The following WWC2 variants were observed in gnomAD, a reference collection of about 807,000 sequenced individuals.
The protein encoded by WWC2 is protein WWC2.
A neutral mutation model predicts 138.5 loss-of-function variants in WWC2; 101 were observed. That is an observed-to-expected ratio of 0.73 (90% CI 0.62 to 0.86). WWC2 has a LOEUF of 0.86. Ranked by LOEUF, WWC2 falls within the 40% of genes least tolerant of loss-of-function variation. The pLI is 0.00. For missense variants in WWC2, 1,420 were observed against 1,419.4 expected, an observed-to-expected ratio of 1.00 and a Z score of -0.01; for synonymous variants, 558 against 538.4, an observed-to-expected ratio of 1.04 and a Z score of -0.50.
At chr4:183,114,693 T>C (rs995426626) in intron 1 of WWC2, among the ~76,000 whole-genome samples, 2 of 152,010 alleles carry the variant, frequency 1.3e-5, no homozygotes, top group Non-Finnish European at 2.9e-5. Flanking sequence ...CCAACGTTTA[T>C]TTCAGGTTCA....
At chr4:183,202,761 G>A (rs1332195862) in intron 2 of WWC2, among the ~76,000 whole-genome samples, 4 of 152,182 alleles carry the variant, frequency 2.6e-5, no homozygotes, top group African/African-American at 9.7e-5. Context: ...AGCCAGGGTA[G>A]GTTAACATGG....
intron 6 of WWC2, among the ~76,000 whole-genome samples, chr4:183,248,221 TC>T (rs1736858606): frequency 6.6e-6 from 1 of 152,160 alleles, no homozygotes; most frequent in African/African-American, 2.4e-5. Context: ...AGTTTCCTAA[TC>T]CCTAACATTG....
intron 1 of WWC2, among the ~76,000 whole-genome samples, chr4:183,126,566 A>G (rs1732764184): frequency 6.6e-6 from 1 of 152,124 alleles, no homozygotes; most frequent in African/African-American, 2.4e-5. Context: ...GTTGTAGATC[A>G]AGTGGCAGCA....
chr4:183,156,344 T>C (rs1440938536), intron 1 of WWC2, among the ~76,000 whole-genome samples: 1 of 149,618 alleles, frequency 6.7e-6, no homozygotes, highest in African/African-American at 2.5e-5. Flanking sequence ...TTTTTTTTTT[T>C]TTTTTTTTTG....
chr4:183,263,048 G>A (rs1221763186), intron 11 of WWC2, among the ~76,000 whole-genome samples: 1 of 152,210 alleles, frequency 6.6e-6, no homozygotes, highest in African/African-American at 2.4e-5. Flanking sequence ...CTCTGTGACA[G>A]TGATGATGAT....
chr4:183,160,195 A>G (rs1305320298), intron 1 of WWC2, among the ~76,000 whole-genome samples: 3 of 152,234 alleles, frequency 2.0e-5, no homozygotes, highest in Non-Finnish European at 4.4e-5. Context: ...TCTATCAGTA[A>G]TTGTCACTGT....
At chr4:183,135,414 G>T (rs1579973742) in intron 1 of WWC2, among the ~76,000 whole-genome samples, 2 of 151,012 alleles carry the variant, frequency 1.3e-5, no homozygotes, top group Non-Finnish European at 2.9e-5. Flanking sequence ...AAATGATGAG[G>T]TTCATATTTA....
At chr4:183,275,522 C>T (rs1166670395) in intron 16 of WWC2, among the ~76,000 whole-genome samples, 5 of 152,014 alleles carry the variant, frequency 3.3e-5, no homozygotes, top group African/African-American at 9.7e-5. Context: ...CATTAAAGGC[C>T]GTTGGATTTG....
intron 4 of WWC2, among the ~76,000 whole-genome samples, chr4:183,218,495 C>T (rs756210094): frequency 6.6e-6 from 1 of 152,024 alleles, no homozygotes; most frequent in Non-Finnish European, 1.5e-5. Context: ...TGATATATAT[C>T]TATATAGATT....
At chr4:183,187,995 G>A (rs1193582864) in intron 1 of WWC2, among the ~76,000 whole-genome samples, 4 of 152,042 alleles carry the variant, frequency 2.6e-5, no homozygotes, top group Admixed American at 2.6e-4. Flanking sequence ...GAACATAATA[G>A]ACAACTAATA....
At chr4:183,158,524 G>A (rs781657402) in intron 1 of WWC2, among the ~76,000 whole-genome samples, 73 of 151,884 alleles carry the variant, frequency 4.8e-4, no homozygotes, top group Admixed American at 2.9e-3. Context: ...ATGCCAGTCA[G>A]TCTAGATTAG....
intron 1 of WWC2, among the ~76,000 whole-genome samples, chr4:183,174,230 A>G (rs1043813256): frequency 6.6e-6 from 1 of 152,148 alleles, no homozygotes; most frequent in African/African-American, 2.4e-5. Flanking sequence ...CTTTCTAGAG[A>G]ATAAACCTTC....
In WWC2 at chr4:183,159,726, TTTTA is replaced by T. The variant is rs74671787; in HGVS notation, c.132-33872_132-33869del. 8.1e-4 allele frequency among the ~76,000 whole-genome samples: 101 copies of T among 124,758 alleles called. 1 individual carries two copies. The highest frequency in any genetic ancestry group is 6.3e-3 in the South Asian group (24 of 3,818). 81.8% of individuals were successfully genotyped at this position (124,758 alleles called of 152,430 possible). A position where few individuals can be genotyped will look rare whatever the true frequency, so the allele number is the denominator to read the frequency against. On this transcript the variant is annotated intron_variant, in intron 1 of 22. Coordinates refer to ENST00000403733, the MANE Select transcript of WWC2 (RefSeq NM_024949.6). ...GCCTGAACTTACCTTTTTTTTTTTT[TTTTA>T]AAAAAAAAAAATTGTTTACAATACA...
chr4:183,102,355 T>C (rs1743207316), intron 1 of WWC2, among the ~76,000 whole-genome samples: 1 of 152,216 alleles, frequency 6.6e-6, no homozygotes, highest in Non-Finnish European at 1.5e-5. Context: ...AATACTAGCA[T>C]GGACAGTATT....
At chr4:183,278,078 C>T (rs1737921997) in intron 16 of WWC2, among the ~76,000 whole-genome samples, 1 of 152,024 alleles carries the variant, frequency 6.6e-6, no homozygotes, top group African/African-American at 2.4e-5. Context: ...ATGGTAATGC[C>T]TAGGTTTTCT....
chr4:183,266,314 T>A (rs1193748532), intron 14 of WWC2, among the ~76,000 whole-genome samples: 2 of 152,258 alleles, frequency 1.3e-5, no homozygotes, highest in Admixed American at 6.5e-5. Flanking sequence ...TACATTAAAA[T>A]GTAGTGATTA....
intron 16 of WWC2, among the ~76,000 whole-genome samples, chr4:183,279,762 G>A (rs569163213): frequency 5.3e-5 from 8 of 152,118 alleles, no homozygotes; most frequent in Admixed American, 1.3e-4. Flanking sequence ...GTTTATTTGC[G>A]TAGAGGTGTT....
chr4:183,276,972 TTTATTA>T (rs200128539), intron 16 of WWC2, among the ~76,000 whole-genome samples: 2,548 of 150,372 alleles, frequency 0.017, 32 homozygotes, highest in Non-Finnish European at 0.027. Context: ...TCATTTCTTT[TTTATTA>T]TTATTATTAT....
intron 9 of WWC2, among the ~76,000 whole-genome samples, chr4:183,256,514 A>G (rs536812175): frequency 9.9e-5 from 15 of 151,880 alleles, no homozygotes; most frequent in African/African-American, 3.1e-4. Flanking sequence ...TGCTCTGCTC[A>G]TTGCTGCTGT....
Sources: allele counts gnomAD v4.1 joint callset (sites outside exome capture counted in the v4.1 genomes callset), GRCh38; gene constraint gnomAD v4.1.1; transcripts MANE v1.5; gene names NCBI Gene and HGNC (gene_info 2026-07-23, HGNC 2026-07-21).